The following SPATA13 variants were observed in gnomAD, a reference collection of about 807,000 sequenced individuals.
The protein encoded by SPATA13 is spermatogenesis associated 13, also known as spermatogenesis-associated protein 13.
Under a neutral mutation model 104.0 loss-of-function variants are expected in SPATA13, and 50 were observed. The ratio of observed to expected loss-of-function variants is 0.48; its 90% CI spans 0.38 to 0.61. The LOEUF (loss-of-function observed/expected upper bound fraction) is 0.61. SPATA13 is among the 20% of genes least tolerant of loss of function. The pLI is 0.00. For synonymous variants in SPATA13, 606 were observed against 667.5 expected (o/e 0.91, Z 1.42); for missense variants, 1,524 against 1,690.6 (o/e 0.90, Z 1.73).
At chr13:24,150,520 A>G (rs879855483) in intron 3 of SPATA13, among the ~76,000 whole-genome samples, 1 of 152,146 alleles carries the variant, frequency 6.6e-6, no homozygotes, top group Non-Finnish European at 1.5e-5. Flanking sequence ...AATAAAACCT[A>G]TAGGAAGTAT....
rs751902232 is a variant in SPATA13, at chr13:24,224,580, G to A, written c.1651G>A (p.Glu551Lys). Residue 551 changes from glutamate (E) to lysine (K), a missense_variant and splice_region_variant, in exon 2 of 13, where the codon GAG (glutamate) becomes AAG (lysine). Glu to Lys is a moderately conservative substitution (Grantham distance 56). Around this residue, in one of 2 missense-constraint regions of SPATA13, gnomAD observed 1,089 missense variants for 1,135.9 expected, o/e 0.96. Transcript: ENST00000382108. ...CGGCCCAGAAGAAAAGGAGAAGGAGGAGGTAAGGGCAGCGGCGAGGTCCCT... is the reference window on the plus strand; with the variant it reads ...CGGCCCAGAAGAAAAGGAGAAGGAGAAGGTAAGGGCAGCGGCGAGGTCCCT... ...AAGPEEKEKE[E>K]VVPDGPWRRS... 5.2e-6 allele frequency: 8 copies of A among 1,537,748 alleles called. No homozygotes were observed. In the African/African-American group the frequency reaches 5.5e-5, roughly 11 times the overall value.
chr13:24,008,901 G>A (rs1191265622), intron 2 of SPATA13, among the ~76,000 whole-genome samples: 10 of 152,304 alleles, frequency 6.6e-5, no homozygotes, highest in Admixed American at 5.2e-4. Context: ...GGAGGGAAGA[G>A]GGGGGAAAGC....
intron 9 of SPATA13, 118 bp from the exon 10 acceptor site, chr13:24,294,621 G>A (rs1360822820): frequency 2.6e-6 from 3 of 1,148,064 alleles, no homozygotes; most frequent in East Asian, 2.5e-5. Context: ...GGCTAATGAC[G>A]TAAATGTCAC....
In SPATA13 at chr13:24,223,146, G is replaced by C. The variant is rs779032473; in HGVS notation, c.217G>C (p.Val73Leu). The C allele has an allele frequency of 1.3e-6, 2 of 1,551,718 alleles. No homozygotes were observed. The highest frequency in any genetic ancestry group is 2.4e-5 in the South Asian group (2 of 84,066). The change falls in exon 2 of 13, where the codon GTG (valine) becomes CTG (leucine). Residue 73 changes from valine to leucine, a missense_variant. This residue lies in a region of SPATA13 where 1,089 missense variants were observed against 1,135.9 expected (regional missense o/e 0.96). Coordinates refer to ENST00000382108, the MANE Select transcript of SPATA13 (RefSeq NM_001166271.3). The stretch of plus-strand genomic sequence containing the variant: ...AGCCAAACTCAGCCCAGCCAAGCTT[G>C]TGCGCCTCTTTTCCACCAGTCGGAA... ...QEAKLSPAKL[V>L]RLFSTSRKRT...
intron 1 of SPATA13, among the ~76,000 whole-genome samples, chr13:24,198,266 T>A (rs1870197285): frequency 6.6e-6 from 1 of 152,202 alleles, no homozygotes; most frequent in African/African-American, 2.4e-5. Context: ...GTGCTGAGAT[T>A]ACAGGCGTGA....
chr13:24,043,317 A>T (rs970088986), intron 3 of SPATA13, among the ~76,000 whole-genome samples: 4 of 111,810 alleles, frequency 3.6e-5, no homozygotes, highest in African/African-American at 1.0e-4. Flanking sequence ...GGTGGATGCT[A>T]CCCTTTTTTG....
At chr13:24,064,937 C>T (rs1481290204) in intron 3 of SPATA13, among the ~76,000 whole-genome samples, 3 of 151,658 alleles carry the variant, frequency 2.0e-5, no homozygotes, top group Non-Finnish European at 4.4e-5. Flanking sequence ...CTGATCAATA[C>T]TCCTCAAAGC....
intron 2 of SPATA13, among the ~76,000 whole-genome samples, chr13:24,232,017 GA>G (rs1872304439): frequency 6.6e-6 from 1 of 152,154 alleles, no homozygotes; most frequent in African/African-American, 2.4e-5. Context: ...TCCTTTATCA[GA>G]TAATATGATT....
rs530958922 is a variant in SPATA13 at position 24,224,482 on chromosome 13, T to G, written c.1553T>G (p.Leu518Trp). The G allele has an allele frequency of 1.7e-5, 26 of 1,551,036 alleles. 1 individual carries two copies. In the South Asian group the frequency reaches 2.9e-4, roughly 17 times the overall value. ...PAQREPGPVS[L>W]QDPLEATHGD... ...CAGAGAGAGCCAGGGCCTGTGTCCT[T>G]GCAGGATCCCCTGGAAGCCACACAT... The change falls in exon 2 of 13, where the codon TTG becomes TGG. Residue 518 changes from leucine to tryptophan, a missense_variant. By Grantham distance (61) the Leu-to-Trp change is moderately conservative. Transcript: ENST00000382108.
At chr13:24,040,107 C>T (rs1329212574) in intron 3 of SPATA13, among the ~76,000 whole-genome samples, 1 of 152,222 alleles carries the variant, frequency 6.6e-6, no homozygotes, top group Admixed American at 6.5e-5. Flanking sequence ...CACTAAAGGC[C>T]ATTCAGCAGA....
intron 3 of SPATA13, among the ~76,000 whole-genome samples, chr13:24,057,986 G>A (rs138431632): frequency 5.9e-5 from 9 of 151,890 alleles, no homozygotes; most frequent in Admixed American, 1.3e-4. Flanking sequence ...GATGCAGAAA[G>A]GAGATGTTCA....
At chr13:23,990,794 T>C (rs1341150128) in intron 2 of SPATA13, among the ~76,000 whole-genome samples, 1 of 152,186 alleles carries the variant, frequency 6.6e-6, no homozygotes, top group Non-Finnish European at 1.5e-5. Flanking sequence ...TGTTGATGGA[T>C]GACTGTTGAC....
intron 3 of SPATA13, among the ~76,000 whole-genome samples, chr13:24,103,042 A>T (rs965397108): frequency 1.9e-4 from 29 of 152,204 alleles, no homozygotes; most frequent in Non-Finnish European, 2.9e-5. Context: ...TGAGTTAAAC[A>T]ATTTTTTACG....
intron 3 of SPATA13, among the ~76,000 whole-genome samples, chr13:24,112,672 G>A (rs545832955): frequency 6.6e-6 from 1 of 152,272 alleles, no homozygotes; most frequent in South Asian, 2.1e-4. Context: ...TTATCACTGT[G>A]TAACAGGAGG....
At chr13:24,030,070 AC>A (rs1877413465) in intron 3 of SPATA13, among the ~76,000 whole-genome samples, 1 of 84,800 alleles carries the variant, frequency 1.2e-5, no homozygotes, top group Non-Finnish European at 2.9e-5. Flanking sequence ...ACACACGCAC[AC>A]ACACACACAC....
intron 4 of SPATA13, among the ~76,000 whole-genome samples, chr13:24,269,768 T>TTA (rs1566181936): frequency 1.6e-5 from 2 of 124,096 alleles, no homozygotes. Flanking sequence ...TTTTTTTTTT[T>TTA]AGTAGAGACA....
chr13:23,987,289 A>C (rs1875194717), intron 2 of SPATA13, among the ~76,000 whole-genome samples: 1 of 152,188 alleles, frequency 6.6e-6, no homozygotes, highest in South Asian at 2.1e-4. Context: ...AGCTATTAGA[A>C]TATGTCTATG....
chr13:24,172,764 A>G (rs1883031650), intron 1 of SPATA13, among the ~76,000 whole-genome samples: 1 of 152,318 alleles, frequency 6.6e-6, no homozygotes, highest in South Asian at 2.1e-4. Context: ...AGCTGCATAC[A>G]TCTTGAAATT....
At chr13:24,043,667 G>A (rs1342446816) in intron 3 of SPATA13, among the ~76,000 whole-genome samples, 1 of 113,126 alleles carries the variant, frequency 8.8e-6, no homozygotes, top group African/African-American at 2.6e-5. Flanking sequence ...TCGTAACTTT[G>A]AGGGAATTTT....
Sources: allele counts gnomAD v4.1 joint callset (sites outside exome capture counted in the v4.1 genomes callset), GRCh38; gene constraint gnomAD v4.1.1; regional missense constraint gnomAD v4.1.1; transcripts MANE v1.5; gene names NCBI Gene and HGNC (gene_info 2026-07-23, HGNC 2026-07-21).